The following CRTC3 variants were observed in gnomAD, a reference collection of about 807,000 sequenced individuals.
CRTC3 encodes CREB-regulated transcription coactivator 3.
Under a neutral mutation model 74.5 loss-of-function variants are expected in CRTC3, and 26 were observed. That is an observed-to-expected ratio of 0.35 (90% confidence interval 0.26 to 0.48). The LOEUF is 0.48. Ranked by LOEUF, CRTC3 falls within the 20% of genes least tolerant of loss-of-function variation. The pLI is 0.99. For missense variants in CRTC3, 760 were observed against 787.3 expected (o/e 0.97, Z 0.41); for synonymous variants, 377 against 325.8 (o/e 1.16, Z -1.69).
rs144806135 is a variant in CRTC3, at chr15:90,619,632, A to G, written c.700-109A>G. The G allele has an allele frequency of 4.9e-4, 416 of 840,960 alleles. 2 individuals are homozygous for G. Among genetic ancestry groups the G allele is most frequent in the African/African-American group, 2.9e-3 (171 of 59,622 alleles). The allele number at this position is 840,960 out of a possible 1,614,324, so 52.1% of individuals were successfully genotyped here. Reference sequence around the variant, plus strand: ...TGTGTGAGGACTCTGTCGACACGCAAGCTCTCACTTGCGCCCACTAGAGCC... The same window carrying G: ...TGTGTGAGGACTCTGTCGACACGCAGGCTCTCACTTGCGCCCACTAGAGCC... On this transcript the variant is annotated intron_variant, in intron 8 of 14. Transcript: ENST00000268184.
chr15:90,534,398 G>A (rs189234003), intron 1 of CRTC3, among the ~76,000 whole-genome samples: 21 of 152,322 alleles, frequency 1.4e-4, no homozygotes, highest in Admixed American at 1.3e-3. Context: ...GCTCGAGAAG[G>A]AAGGCTGAGC....
At position 90,545,829 on chromosome 15, in the gene CRTC3, T is replaced by C. The variant is rs536829610; in HGVS notation, c.231+5692T>C. Among the ~76,000 whole-genome samples the C allele has an allele frequency of 2.7e-3, 408 of 152,114 alleles. 2 individuals carry two copies. Among genetic ancestry groups the C allele is most frequent in the East Asian group, 6.2e-3 (32 of 5,176 alleles). On this transcript the variant is annotated intron_variant, in intron 2 of 14. Coordinates refer to ENST00000268184, the MANE Select transcript of CRTC3 (RefSeq NM_022769.5). ...TCCTGACTTTGTGATCCGCCCGCCT[T>C]GGCCTCCCAAAGTGCTGGGATTACA...
chr15:90,586,471 A>T (rs761504546), intron 2 of CRTC3, among the ~76,000 whole-genome samples: 1 of 148,714 alleles, frequency 6.7e-6, no homozygotes, highest in African/African-American at 2.5e-5. Flanking sequence ...GGTTCGAGCA[A>T]TTCTTCTGCC....
At position 90,644,426 on chromosome 15, in the gene CRTC3, A is replaced by G; in HGVS notation, c.*2286A>G. 4.3e-6 allele frequency: 1 copy of G among 231,090 alleles called. No homozygotes were observed. Among genetic ancestry groups the G allele is most frequent in the Non-Finnish European group, 8.6e-6 (1 of 116,652 alleles). The allele number at this position is 231,090 out of a possible 1,614,324, so 14.3% of individuals were successfully genotyped here. A position where few individuals can be genotyped will look rare whatever the true frequency, so the allele number is the denominator to read the frequency against. On this transcript the variant is annotated 3_prime_UTR_variant, in exon 15 of 15. Coordinates refer to ENST00000268184, the MANE Select transcript of CRTC3 (RefSeq NM_022769.5). The stretch of plus-strand genomic sequence containing the variant: ...TAGTGCCTTACCCATGGGTATCGTC[A>G]TATCCGGGTCCCAGTTCAGTTTGTC...
chr15:90,607,543 A>G, intron 6 of CRTC3, 65 bp downstream of exon 6: 1 of 1,028,714 alleles, frequency 9.7e-7, no homozygotes, highest in South Asian at 1.4e-5. Flanking sequence ...GAACCAAGGG[A>G]GAGAGAAGCT....
chr15:90,630,756 A>ATTTTTTTTTTTTT (rs1175467073), intron 11 of CRTC3, among the ~76,000 whole-genome samples: 1 of 23,652 alleles, frequency 4.2e-5, no homozygotes, highest in African/African-American at 1.1e-4. Flanking sequence ...TTACAGCATC[A>ATTTTTTTTTTTTT]TTTTTTTTTT....
chr15:90,619,274 T>C lies in CRTC3; in HGVS notation c.700-467T>C, dbSNP rs1459605488. Among the ~76,000 whole-genome samples, 3 of 152,088 alleles carry C rather than the reference T, an allele frequency of 2.0e-5. No homozygotes were observed. The East Asian group carries it at 5.8e-4, about 29-fold the overall frequency. On this transcript the variant is annotated intron_variant, in intron 8 of 14. Transcript: ENST00000268184. The stretch of plus-strand genomic sequence containing the variant: ...GAGTTTGAGACCAGCCTGGCCAACA[T>C]GGTGAAACCCCGTCTCTACTAAAAA...
chr15:90,539,971 C>T lies in CRTC3; in HGVS notation c.133-68C>T. 2.8e-6 allele frequency: 3 copies of T among 1,072,658 alleles called. No individual in the cohort carries two copies. The South Asian group carries it at 3.9e-5, about 14-fold the overall frequency. 66.4% of individuals were successfully genotyped at this position (1,072,658 alleles called of 1,614,324 possible). On this transcript the variant is annotated intron_variant, in intron 1 of 14. Transcript: ENST00000268184. ...TCTTGAACCGTTCCCCTACAAAATA[C>T]TATACTTTGATGCTTCTTTAGATCT...
At chr15:90,640,926 A>G (rs778476691) in intron 13 of CRTC3, 171 bp from the exon 14 acceptor site, 51 of 600,410 alleles carry the variant, frequency 8.5e-5, no homozygotes, top group Non-Finnish European at 1.3e-4. Context: ...CCTGCCTGAC[A>G]AGAATATTGT....
intron 3 of CRTC3, among the ~76,000 whole-genome samples, chr15:90,597,157 C>T (rs1967948001): frequency 1.3e-5 from 2 of 152,226 alleles, no homozygotes; most frequent in Non-Finnish European, 2.9e-5. Flanking sequence ...AGGGCTTGCT[C>T]CTGGCTGGGG....
intron 6 of CRTC3, among the ~76,000 whole-genome samples, chr15:90,611,805 G>C (rs894009202): frequency 7.2e-5 from 11 of 152,054 alleles, no homozygotes; most frequent in Non-Finnish European, 1.2e-4. Context: ...CTGCCTTAAG[G>C]CTTTCTCCTT....
intron 2 of CRTC3, among the ~76,000 whole-genome samples, chr15:90,579,943 G>A (rs1040224277): frequency 9.9e-5 from 15 of 152,100 alleles, no homozygotes; most frequent in Admixed American, 2.6e-4. Flanking sequence ...GCCCAGACAC[G>A]TATTTTACTT....
At chr15:90,592,704 C>T (rs1967829009) in intron 2 of CRTC3, among the ~76,000 whole-genome samples, 1 of 152,098 alleles carries the variant, frequency 6.6e-6, no homozygotes, top group Non-Finnish European at 1.5e-5. Flanking sequence ...TCCTCTTTAA[C>T]TCAGGGGTTA....
At chr15:90,581,543 A>G (rs565704835) in intron 2 of CRTC3, among the ~76,000 whole-genome samples, 1 of 152,130 alleles carries the variant, frequency 6.6e-6, no homozygotes, top group East Asian at 1.9e-4. Flanking sequence ...TTTGGCATAT[A>G]TGTAGAAGTT....
intron 2 of CRTC3, among the ~76,000 whole-genome samples, chr15:90,567,774 A>G (rs1967161334): frequency 6.6e-6 from 1 of 152,238 alleles, no homozygotes. Context: ...ATGGAAATGT[A>G]GAAGATTAGT....
chr15:90,637,596 A>G (rs1380848678), intron 11 of CRTC3, among the ~76,000 whole-genome samples: 2 of 152,226 alleles, frequency 1.3e-5, no homozygotes, highest in Admixed American at 6.5e-5. Context: ...CTGTGTTTTC[A>G]GTAAAGTGCC....
In CRTC3 at chr15:90,534,895, C is replaced by G. The variant is rs190457203; in HGVS notation, c.132+4692C>G. ...AACTGTGAGGCCAGGCGCGGTGGCTCACGCCTGTAATCCCAGCACTTTGGG... is the reference window on the plus strand; with the variant it reads ...AACTGTGAGGCCAGGCGCGGTGGCTGACGCCTGTAATCCCAGCACTTTGGG... On this transcript the variant is annotated intron_variant, in intron 1 of 14. Coordinates refer to ENST00000268184, the MANE Select transcript of CRTC3 (RefSeq NM_022769.5). 6.2e-4 allele frequency among the ~76,000 whole-genome samples: 94 copies of G among 152,284 alleles called. 1 individual carries two copies. The East Asian group carries it at 0.014, about 23-fold the overall frequency.
intron 1 of CRTC3, 61 bp from the exon 2 acceptor site, chr15:90,539,978 T>C: frequency 8.9e-7 from 1 of 1,126,314 alleles, no homozygotes; most frequent in Non-Finnish European, 1.3e-6. Flanking sequence ...ATACTATACT[T>C]TGATGCTTCT....
intron 9 of CRTC3, among the ~76,000 whole-genome samples, chr15:90,624,589 A>G (rs886582524): frequency 2.0e-5 from 3 of 152,070 alleles, no homozygotes; most frequent in Non-Finnish European, 2.9e-5. Flanking sequence ...TCCACAGCCC[A>G]TCCTGACATG....
Sources: allele counts gnomAD v4.1 joint callset (sites outside exome capture counted in the v4.1 genomes callset), GRCh38; gene constraint gnomAD v4.1.1; transcripts MANE v1.5; gene names NCBI Gene and HGNC (gene_info 2026-07-23, HGNC 2026-07-21).